WWOX: variants seen among roughly 807,000 people sequenced by gnomAD.
WWOX encodes the protein WW domain-containing oxidoreductase.
A neutral mutation model predicts 46.2 loss-of-function variants in WWOX; 69 were observed. The ratio of observed to expected loss-of-function variants is 1.49; its 90% CI spans 1.23 to 1.82. The LOEUF is 1.82. Among genes scored for constraint, WWOX ranks in the 40% most tolerant of loss-of-function variants. The pLI, the probability that WWOX is intolerant of heterozygous loss-of-function variation, is 0.00. For synonymous variants in WWOX, 359 were observed against 202.6 expected (o/e 1.77, Z -6.56); for missense variants, 919 against 542.6 (o/e 1.69, Z -6.89).
chr16:78,730,093 T>C (rs1458963582), intron 8 of WWOX, among the ~76,000 whole-genome samples: 1 of 152,214 alleles, frequency 6.6e-6, no homozygotes. Flanking sequence ...GATGGTGTTT[T>C]ACTCCTTGCT....
intron 8 of WWOX, among the ~76,000 whole-genome samples, chr16:79,010,434 C>A (rs915847947): frequency 2.0e-5 from 3 of 152,148 alleles, no homozygotes; most frequent in African/African-American, 7.2e-5. Flanking sequence ...ACACGGAGGA[C>A]CTGCCACTGG....
At chr16:78,667,268 C>A (rs1311973740) in intron 8 of WWOX, among the ~76,000 whole-genome samples, 2 of 152,162 alleles carry the variant, frequency 1.3e-5, no homozygotes, top group Non-Finnish European at 2.9e-5. Flanking sequence ...AGAAGCAGAG[C>A]TGTAAGTCTC....
intron 8 of WWOX, among the ~76,000 whole-genome samples, chr16:78,669,131 T>TC (rs142414377): frequency 0.031 from 4,666 of 152,102 alleles, 97 homozygotes; most frequent in Non-Finnish European, 0.048. Context: ...TGTGGCCCCA[T>TC]CTCCACCACA....
intron 8 of WWOX, among the ~76,000 whole-genome samples, chr16:78,469,399 A>G (rs2084167148): frequency 6.6e-6 from 1 of 151,830 alleles, no homozygotes; most frequent in Non-Finnish European, 1.5e-5. Flanking sequence ...TCACAGGAGC[A>G]CTTGGAGAAG....
At chr16:78,748,750 C>T (rs996434052) in intron 8 of WWOX, among the ~76,000 whole-genome samples, 9 of 152,204 alleles carry the variant, frequency 5.9e-5, no homozygotes, top group Admixed American at 3.3e-4. Context: ...CATGCACACT[C>T]GGATTACACT....
intron 8 of WWOX, among the ~76,000 whole-genome samples, chr16:78,600,772 C>G (rs1208802050): frequency 6.6e-6 from 1 of 152,208 alleles, no homozygotes; most frequent in Non-Finnish European, 1.5e-5. Context: ...CTTGACTTCT[C>G]TGTACAGCCA....
chr16:78,624,672 T>C (rs956089173), intron 8 of WWOX, among the ~76,000 whole-genome samples: 10 of 152,196 alleles, frequency 6.6e-5, no homozygotes, highest in African/African-American at 1.9e-4. Context: ...CCCTCACTTT[T>C]ATTGCAGCAA....
intron 8 of WWOX, among the ~76,000 whole-genome samples, chr16:78,498,792 C>G (rs2084981265): frequency 6.6e-6 from 1 of 152,132 alleles, no homozygotes; most frequent in African/African-American, 2.4e-5. Flanking sequence ...TCTCGAACTC[C>G]TGGTTTCAAG....
intron 8 of WWOX, among the ~76,000 whole-genome samples, chr16:78,720,009 A>AC (rs1375224806): frequency 6.6e-6 from 1 of 152,218 alleles, no homozygotes; most frequent in African/African-American, 2.4e-5. Flanking sequence ...TAGATAATTT[A>AC]CATATAAAAG....
chr16:78,779,985 G>A (rs567229405), intron 8 of WWOX, among the ~76,000 whole-genome samples: 2 of 152,272 alleles, frequency 1.3e-5, no homozygotes, highest in South Asian at 4.1e-4. Flanking sequence ...TTAGTGTTGT[G>A]TCTTCTGTGT....
In WWOX at chr16:78,800,709, T is replaced by A. The variant is rs190459497; in HGVS notation, c.1056+367957T>A. The stretch of plus-strand genomic sequence containing the variant: ...AGGGGGTTCCTGACTTCAGGCCTCT[T>A]TTCAGAATGAGGGAATTGTCTAAAA... On this transcript the variant is annotated intron_variant, in intron 8 of 8. Coordinates refer to ENST00000566780, the MANE Select transcript of WWOX (RefSeq NM_016373.4). Among the ~76,000 whole-genome samples, 17 of 152,304 alleles carry A rather than the reference T, an allele frequency of 1.1e-4. 1 individual carries two copies. The East Asian group carries it at 3.3e-3, about 29-fold the overall frequency.
chr16:78,510,064 AGTCT>A (rs59985442), intron 8 of WWOX, among the ~76,000 whole-genome samples: 133,991 of 150,318 alleles, frequency 0.89, 60,338 homozygotes, highest in Non-Finnish European at 0.96. Flanking sequence ...CCTGTCTCCA[AGTCT>A]GTCTGTCTGT....
intron 8 of WWOX, among the ~76,000 whole-genome samples, chr16:78,606,956 C>T (rs1597339428): frequency 6.6e-6 from 1 of 151,988 alleles, no homozygotes; most frequent in Non-Finnish European, 1.5e-5. Flanking sequence ...GTCCAATGAT[C>T]ATTTTTGTGC....
At chr16:78,114,191 A>T (rs1342875031) in intron 3 of WWOX, among the ~76,000 whole-genome samples, 1 of 146,412 alleles carries the variant, frequency 6.8e-6, no homozygotes, top group Non-Finnish European at 1.5e-5. Context: ...TTGATCTCTT[A>T]GGCTCACGTG....
rs572870663 is a variant in WWOX, at chr16:79,024,670, C to T, written c.1057-186938C>T. ...CAGGATGGTCTTCATCTCCTGACCT[C>T]GTGATCTGCCCACCTCGGCCTCCCA... On this transcript the variant is annotated intron_variant, in intron 8 of 8. Transcript: ENST00000566780. 9.9e-5 allele frequency among the ~76,000 whole-genome samples: 15 copies of T among 152,162 alleles called. No homozygotes were observed. In the South Asian group the frequency reaches 2.5e-3, roughly 25 times the overall value.
At chr16:78,824,783 A>C (rs756720395) in intron 8 of WWOX, among the ~76,000 whole-genome samples, 1 of 152,072 alleles carries the variant, frequency 6.6e-6, no homozygotes, top group African/African-American at 2.4e-5. Context: ...CTCCCACAAC[A>C]TGTGGGAATT....
chr16:79,087,195 T>A (rs2048869553), intron 8 of WWOX, among the ~76,000 whole-genome samples: 1 of 152,188 alleles, frequency 6.6e-6, no homozygotes, highest in Non-Finnish European at 1.5e-5. Context: ...ATGCCATGAT[T>A]TCAAGCCCTT....
chr16:78,763,838 T>C (rs957122023), intron 8 of WWOX, among the ~76,000 whole-genome samples: 1 of 152,240 alleles, frequency 6.6e-6, no homozygotes, highest in African/African-American at 2.4e-5. Flanking sequence ...GAGCTGGCTC[T>C]CCTCTTTCTA....
rs34730954 is a variant in WWOX, at chr16:78,318,272, ATTT to A, written c.517-68573_517-68571del. ...CTTAGGAGCCCTCCGTCTGGGAGGAATTTTTTTTTTTTTTTTTGGTATATCTGT... is the reference window on the plus strand; with the variant it reads ...CTTAGGAGCCCTCCGTCTGGGAGGAATTTTTTTTTTTTTTGGTATATCTGT... On this transcript the variant is annotated intron_variant, in intron 5 of 8. Transcript: ENST00000566780. Among the ~76,000 whole-genome samples the A allele has an allele frequency of 5.7e-3, 707 of 123,526 alleles. 8 individuals are homozygous for A. The highest frequency in any genetic ancestry group is 0.028 in the South Asian group (106 of 3,772). 81.0% of individuals were successfully genotyped at this position (123,526 alleles called of 152,430 possible). A position where few individuals can be genotyped will look rare whatever the true frequency, so the allele number is the denominator to read the frequency against.
Sources: gnomAD v4.1 joint callset for allele counts (sites outside exome capture counted in the v4.1 genomes callset) on GRCh38, gnomAD v4.1.1 for gene constraint, MANE v1.5 for transcripts, NCBI Gene and HGNC (gene_info 2026-07-23, HGNC 2026-07-21) for gene names.